The following DPYD variants were observed in gnomAD, a reference collection of about 807,000 sequenced individuals.
DPYD encodes the protein dihydropyrimidine dehydrogenase.
In DPYD, 109 loss-of-function variants were observed where a neutral mutation model predicts 116.2. The observed-to-expected ratio is 0.94, with a 90% CI of 0.80 to 1.10. The LOEUF (loss-of-function observed/expected upper bound fraction) is 1.10, where lower values mean the gene tolerates loss of function less well. Ranked by LOEUF, DPYD falls within the 50% of genes least tolerant of loss-of-function variation. The pLI is 0.00. For missense variants in DPYD, 1,302 were observed against 1,254.5 expected (o/e 1.04, Z -0.57); for synonymous variants, 440 against 432.0 (o/e 1.02, Z -0.23).
intron 16 of DPYD, among the ~76,000 whole-genome samples, chr1:97,356,481 A>AGCAATATTTGCTGTTCT (rs1015366333): frequency 1.5e-4 from 23 of 152,208 alleles, no homozygotes; most frequent in Non-Finnish European, 2.5e-4. Context: ...GTGATCAGGT[A>AGCAATATTTGCTGTTCT]GCAATATTTG....
At chr1:97,184,318 T>C (rs1402581842) in intron 20 of DPYD, among the ~76,000 whole-genome samples, 1 of 152,148 alleles carries the variant, frequency 6.6e-6, no homozygotes. Flanking sequence ...CAGTTCTTTT[T>C]TTTGCTCTTT....
chr1:97,907,401 G>T (rs980622674), intron 1 of DPYD, among the ~76,000 whole-genome samples: 11 of 152,014 alleles, frequency 7.2e-5, no homozygotes, highest in African/African-American at 2.7e-4. Context: ...ATTTGCATTT[G>T]TTCTTAACTT....
chr1:97,285,646 AC>A (rs1665624803), intron 18 of DPYD, among the ~76,000 whole-genome samples: 1 of 151,698 alleles, frequency 6.6e-6, no homozygotes, highest in Admixed American at 6.6e-5. Context: ...GGCCATTCTG[AC>A]AATTGGCTGA....
intron 20 of DPYD, among the ~76,000 whole-genome samples, chr1:97,148,257 G>GGC (rs1654779861): frequency 6.6e-6 from 1 of 150,776 alleles, no homozygotes; most frequent in African/African-American, 2.4e-5. Flanking sequence ...TGTGTGTGGG[G>GGC]GGGGTGTGTG....
At chr1:97,896,428 G>A (rs1571548484) in intron 1 of DPYD, among the ~76,000 whole-genome samples, 1 of 151,782 alleles carries the variant, frequency 6.6e-6, no homozygotes, top group South Asian at 2.1e-4. Flanking sequence ...CACCGATGAT[G>A]TGCATGTTAC....
chr1:97,180,912 T>G (rs1381940636), intron 20 of DPYD, among the ~76,000 whole-genome samples: 1 of 152,080 alleles, frequency 6.6e-6, no homozygotes, highest in African/African-American at 2.4e-5. Flanking sequence ...ACAATGAAAA[T>G]GTAGTATAGT....
chr1:97,518,133 T>C (rs1298884750), intron 12 of DPYD, among the ~76,000 whole-genome samples: 1 of 151,952 alleles, frequency 6.6e-6, no homozygotes, highest in Non-Finnish European at 1.5e-5. Context: ...AGATTTTCCT[T>C]AAGCTTCAAA....
At chr1:97,802,344 T>C (rs1419089676) in intron 3 of DPYD, among the ~76,000 whole-genome samples, 1 of 151,914 alleles carries the variant, frequency 6.6e-6, no homozygotes, top group Admixed American at 6.6e-5. Flanking sequence ...AGGGCAAGAC[T>C]AAAAGTTCCT....
intron 7 of DPYD, among the ~76,000 whole-genome samples, chr1:97,688,201 A>G (rs987656568): frequency 6.6e-6 from 1 of 152,228 alleles, no homozygotes; most frequent in Non-Finnish European, 1.5e-5. Context: ...GCATTAATAA[A>G]TATATAGTCA....
intron 21 of DPYD, among the ~76,000 whole-genome samples, chr1:97,089,418 T>C (rs1212404291): frequency 6.6e-6 from 1 of 152,210 alleles, no homozygotes; most frequent in Non-Finnish European, 1.5e-5. Flanking sequence ...GAAACGAAAC[T>C]GCCTCCTGTA....
chr1:97,312,060 TAAA>T (rs926727589), intron 16 of DPYD, among the ~76,000 whole-genome samples: 22 of 151,670 alleles, frequency 1.5e-4, no homozygotes, highest in Admixed American at 3.3e-4. Context: ...TATGAGTTGT[TAAA>T]AAATATATAT....
At chr1:97,599,860 CAAAAAAAAAAAAAAAAAAAAAA>C (rs56940277) in intron 8 of DPYD, among the ~76,000 whole-genome samples, 1 of 36,440 alleles carries the variant, frequency 2.7e-5, no homozygotes, top group Admixed American at 5.0e-4. Flanking sequence ...CCCATCTCCA[CAAAAAAAAAAAAAAAAAAAAAA>C]AAAAAAAAAA....
intron 3 of DPYD, among the ~76,000 whole-genome samples, chr1:97,819,912 T>A (rs1668828132): frequency 6.6e-6 from 1 of 152,098 alleles, no homozygotes; most frequent in South Asian, 2.1e-4. Flanking sequence ...ACACATGTAA[T>A]ATCTATATAA....
intron 12 of DPYD, among the ~76,000 whole-genome samples, chr1:97,517,377 T>C (rs577874636): frequency 6.0e-4 from 92 of 152,192 alleles, no homozygotes; most frequent in African/African-American, 1.9e-3. Flanking sequence ...TAATTTGAGG[T>C]GTGTGTATGT....
At chr1:97,408,134 C>G (rs562759873) in intron 14 of DPYD, among the ~76,000 whole-genome samples, 1 of 152,266 alleles carries the variant, frequency 6.6e-6, no homozygotes, top group Admixed American at 6.5e-5. Context: ...CCAGGCTGGA[C>G]TATAAATGGC....
chr1:97,088,911 C>T (rs929988355), intron 21 of DPYD, among the ~76,000 whole-genome samples: 1 of 152,192 alleles, frequency 6.6e-6, no homozygotes, highest in Non-Finnish European at 1.5e-5. Flanking sequence ...GCCCATTTCT[C>T]TGGTATCTTT....
At chr1:97,443,823 C>G (rs1309876450) in intron 14 of DPYD, among the ~76,000 whole-genome samples, 2 of 152,140 alleles carry the variant, frequency 1.3e-5, no homozygotes, top group African/African-American at 4.8e-5. Context: ...ATAAAAACTT[C>G]AAAGAAATAG....
At chr1:97,251,391 T>TAAAAA (rs10581072) in intron 18 of DPYD, among the ~76,000 whole-genome samples, 3 of 95,354 alleles carry the variant, frequency 3.1e-5, no homozygotes, top group Non-Finnish European at 5.9e-5. Context: ...AAACTCTGTC[T>TAAAAA]AAAAAAAAAA....
rs1677526570 is a variant in DPYD, at chr1:97,469,526, G to GA, written c.1741-19304dup. 1.3e-5 allele frequency among the ~76,000 whole-genome samples: 2 copies of GA among 151,472 alleles called. 1 individual carries two copies. The highest frequency in any genetic ancestry group is 4.1e-4 in the South Asian group (2 of 4,822). On this transcript the variant is annotated intron_variant, in intron 13 of 22. Transcript: ENST00000370192. The stretch of plus-strand genomic sequence containing the variant: ...TAATATTACTGAATTTTCTGGTAGT[G>GA]AAAATAGAACAATAGGTATAAGCAT...
Sources: allele counts gnomAD v4.1 joint callset (sites outside exome capture counted in the v4.1 genomes callset), GRCh38; gene constraint gnomAD v4.1.1; transcripts MANE v1.5; gene names NCBI Gene and HGNC (gene_info 2026-07-23, HGNC 2026-07-21).